FSTL5: variants seen among roughly 807,000 people sequenced by gnomAD.
The protein encoded by FSTL5 is follistatin like 5.
Under a neutral mutation model 89.1 loss-of-function variants are expected in FSTL5, and 62 were observed. The ratio of observed to expected loss-of-function variants is 0.70; its 90% CI spans 0.57 to 0.86. The LOEUF (loss-of-function observed/expected upper bound fraction) is 0.86. Among genes scored for constraint, FSTL5 ranks in the 40% least tolerant of loss-of-function variants. The pLI is 0.00. For missense variants in FSTL5, 1,057 were observed against 1,001.6 expected, an observed-to-expected ratio of 1.06 and a Z score of -0.75; for synonymous variants, 383 against 346.2, an observed-to-expected ratio of 1.11 and a Z score of -1.18.
chr4:162,068,066 G>A (rs763254526), intron 2 of FSTL5, among the ~76,000 whole-genome samples: 10 of 151,910 alleles, frequency 6.6e-5, no homozygotes, highest in Non-Finnish European at 1.3e-4. Context: ...ACAAACAAAT[G>A]GAAAAACATT....
At position 162,084,304 on chromosome 4, in the gene FSTL5, C is replaced by T. The variant is rs569168992; in HGVS notation, c.126+26967G>A. Among the ~76,000 whole-genome samples, 5 of 151,562 alleles carry T rather than the reference C, an allele frequency of 3.3e-5. No homozygotes were observed. The South Asian group carries it at 6.2e-4, about 19-fold the overall frequency. Reference sequence around the variant, plus strand: ...ATCACCTGGAGTCAGGTTTATATTGCAATTTAATTTATGATTAAATAGGAT... The same window carrying T: ...ATCACCTGGAGTCAGGTTTATATTGTAATTTAATTTATGATTAAATAGGAT... On this transcript the variant is annotated intron_variant, in intron 2 of 15. Transcript: ENST00000306100.
chr4:161,643,685 A>C (rs1736042633), intron 7 of FSTL5, among the ~76,000 whole-genome samples: 1 of 152,168 alleles, frequency 6.6e-6, no homozygotes, highest in African/African-American at 2.4e-5. Context: ...GATTAAATTG[A>C]AAGTGTAGTA....
chr4:161,923,749 T>C (rs968219442), intron 3 of FSTL5, among the ~76,000 whole-genome samples: 13 of 151,786 alleles, frequency 8.6e-5, no homozygotes, highest in African/African-American at 3.1e-4. Flanking sequence ...ATATATAGGT[T>C]GGTCACAATA....
At position 162,127,208 on chromosome 4, in the gene FSTL5, C is replaced by T. The variant is rs569280558; in HGVS notation, c.-16-15796G>A. On this transcript the variant is annotated intron_variant, in intron 1 of 15. Transcript: ENST00000306100. ...CTCCAGGCTGCCTTTCCTACTTCCT[C>T]GGAAACCCTTGACTTTTGCCAGTTA... is the stretch of plus-strand genomic sequence containing the variant. Among the ~76,000 whole-genome samples, 104 of 152,298 alleles carry T rather than the reference C, an allele frequency of 6.8e-4. 1 individual carries two copies. The highest frequency in any genetic ancestry group is 6.8e-3 in the Middle Eastern group (2 of 294).
At chr4:161,995,809 G>A (rs77476483) in intron 3 of FSTL5, among the ~76,000 whole-genome samples, 3,525 of 147,502 alleles carry the variant, frequency 0.024, 178 homozygotes, top group East Asian at 0.21. Flanking sequence ...ATTCTCTTCA[G>A]TGTCTAATGA....
intron 1 of FSTL5, among the ~76,000 whole-genome samples, chr4:162,150,380 A>ACC (rs1430481621): frequency 4.6e-5 from 7 of 152,088 alleles, no homozygotes; most frequent in Non-Finnish European, 1.0e-4. Flanking sequence ...GCTTGGTTCT[A>ACC]CCTTAAATGC....
intron 3 of FSTL5, among the ~76,000 whole-genome samples, chr4:161,969,422 C>A (rs1443327403): frequency 6.6e-6 from 1 of 151,902 alleles, no homozygotes; most frequent in Non-Finnish European, 1.5e-5. Flanking sequence ...TCTATAGAAC[C>A]ATGTAAAAGA....
intron 6 of FSTL5, among the ~76,000 whole-genome samples, chr4:161,667,195 T>G (rs1736932079): frequency 6.6e-6 from 1 of 152,124 alleles, no homozygotes; most frequent in Non-Finnish European, 1.5e-5. Context: ...TTAACTTTCA[T>G]TTAATTTCTA....
chr4:162,010,984 T>C (rs1485924868), intron 3 of FSTL5, among the ~76,000 whole-genome samples: 2 of 152,190 alleles, frequency 1.3e-5, no homozygotes, highest in African/African-American at 4.8e-5. Context: ...TATATGGTAA[T>C]TCTGTGTTAA....
At chr4:162,145,098 G>A (rs1732921332) in intron 1 of FSTL5, among the ~76,000 whole-genome samples, 1 of 124,364 alleles carries the variant, frequency 8.0e-6, no homozygotes, top group African/African-American at 3.1e-5. Flanking sequence ...CAATGAATAT[G>A]TAATGAATAC....
intron 13 of FSTL5, among the ~76,000 whole-genome samples, chr4:161,466,652 C>T (rs1733757270): frequency 6.6e-6 from 1 of 152,084 alleles, no homozygotes; most frequent in Non-Finnish European, 1.5e-5. Context: ...TGTTTACCAG[C>T]TAATCTTTTA....
At chr4:162,062,184 G>A (rs1738738636) in intron 2 of FSTL5, among the ~76,000 whole-genome samples, 1 of 151,696 alleles carries the variant, frequency 6.6e-6, no homozygotes. Flanking sequence ...CAAAGTTGGT[G>A]ATGTTTTATT....
At chr4:161,716,791 C>T (rs1024857684) in intron 6 of FSTL5, among the ~76,000 whole-genome samples, 2 of 152,194 alleles carry the variant, frequency 1.3e-5, no homozygotes, top group Admixed American at 6.5e-5. Context: ...GTGCCAAGTA[C>T]AAACCTGGAC....
intron 6 of FSTL5, among the ~76,000 whole-genome samples, chr4:161,680,952 T>C (rs1227531980): frequency 2.0e-5 from 3 of 152,040 alleles, no homozygotes; most frequent in African/African-American, 7.2e-5. Flanking sequence ...ACATAATAAA[T>C]CATTCAGTTC....
intron 4 of FSTL5, among the ~76,000 whole-genome samples, chr4:161,884,564 T>A (rs1368663056): frequency 6.6e-6 from 1 of 152,202 alleles, no homozygotes; most frequent in Non-Finnish European, 1.5e-5. Context: ...ACGGACTTTC[T>A]ATAGTTATTT....
At chr4:162,017,498 G>T (rs564184804) in intron 3 of FSTL5, among the ~76,000 whole-genome samples, 1 of 152,264 alleles carries the variant, frequency 6.6e-6, no homozygotes, top group South Asian at 2.1e-4. Context: ...ACAACAGAAA[G>T]TACTCTGTTT....
chr4:161,411,820 TAGA>T, intron 15 of FSTL5, among the ~76,000 whole-genome samples: 1 of 152,248 alleles, frequency 6.6e-6, no homozygotes, highest in East Asian at 1.9e-4. Context: ...AACATAGTAC[TAGA>T]AGTCCTAGCC....
chr4:161,932,542 T>G (rs1419385742), intron 3 of FSTL5, among the ~76,000 whole-genome samples: 1 of 151,668 alleles, frequency 6.6e-6, no homozygotes, highest in Non-Finnish European at 1.5e-5. Context: ...TACATATATG[T>G]AAATATATGT....
At chr4:161,976,920 T>C (rs1490585520) in intron 3 of FSTL5, among the ~76,000 whole-genome samples, 2 of 152,192 alleles carry the variant, frequency 1.3e-5, no homozygotes, top group African/African-American at 4.8e-5. Context: ...TTTGTTGATA[T>C]CAAGAAAACC....
Sources: gnomAD v4.1 joint callset for allele counts (sites outside exome capture counted in the v4.1 genomes callset) on GRCh38, gnomAD v4.1.1 for gene constraint, MANE v1.5 for transcripts, NCBI Gene and HGNC (gene_info 2026-07-23, HGNC 2026-07-21) for gene names.